Variants in MORN5 observed in about 807,000 individuals in gnomAD.
The protein encoded by MORN5 is MORN repeat containing 5.
Under a neutral mutation model 22.1 loss-of-function variants are expected in MORN5, and 21 were observed. The observed-to-expected ratio is 0.95, with a 90% CI of 0.67 to 1.37. The LOEUF (loss-of-function observed/expected upper bound fraction) is 1.37. Ranked by LOEUF, MORN5 falls within the 40% of genes most tolerant of loss-of-function variation. MORN5 has a pLI of 0.00. For synonymous variants in MORN5, 73 were observed against 74.0 expected (o/e 0.99, Z 0.07); for missense variants, 211 against 215.1 (o/e 0.98, Z 0.12).
intron 4 of MORN5, among the ~76,000 whole-genome samples, chr9:122,194,178 G>A (rs561822684): frequency 6.6e-5 from 10 of 152,272 alleles, no homozygotes; most frequent in East Asian, 5.8e-4. Flanking sequence ...TCCTGGCAGC[G>A]CTCACTGCTG....
At chr9:122,167,674 A>G (rs1829307873) in intron 2 of MORN5, among the ~76,000 whole-genome samples, 1 of 152,130 alleles carries the variant, frequency 6.6e-6, no homozygotes, top group African/African-American at 2.4e-5. Context: ...TTCTTCACCT[A>G]TCAACTCGGG....
intron 1 of MORN5, among the ~76,000 whole-genome samples, chr9:122,160,954 C>T (rs1330934908): frequency 6.6e-6 from 1 of 152,182 alleles, no homozygotes; most frequent in African/African-American, 2.4e-5. Context: ...TCCCTGTCTT[C>T]AGAAAGTTCA....
chr9:122,194,822 C>T (rs1829850335), intron 4 of MORN5, among the ~76,000 whole-genome samples: 1 of 152,074 alleles, frequency 6.6e-6, no homozygotes, highest in Non-Finnish European at 1.5e-5. Flanking sequence ...GAGTTTGAAA[C>T]CAGCCTGGCC....
intron 4 of MORN5, among the ~76,000 whole-genome samples, chr9:122,187,459 G>A (rs939055157): frequency 6.6e-6 from 1 of 152,150 alleles, no homozygotes; most frequent in African/African-American, 2.4e-5. Flanking sequence ...ACAGGCCTTT[G>A]TTGAGTCCCT....
intron 1 of MORN5, among the ~76,000 whole-genome samples, chr9:122,162,152 C>T (rs1019728903): frequency 1.3e-5 from 2 of 152,184 alleles, no homozygotes; most frequent in African/African-American, 4.8e-5. Flanking sequence ...CCATCCATAC[C>T]TCAGTTTCCT....
chr9:122,163,679 A>G (rs1430710004), intron 1 of MORN5, among the ~76,000 whole-genome samples: 1 of 152,152 alleles, frequency 6.6e-6, no homozygotes, highest in African/African-American at 2.4e-5. Flanking sequence ...ATGCAAAGGG[A>G]AGCTGGACAG....
Position 122,197,354 on chromosome 9 carries a change from T to C in MORN5, c.440-2531T>C, listed in dbSNP as rs1332872820. Among the ~76,000 whole-genome samples the C allele has an allele frequency of 6.6e-6, 1 of 152,204 alleles. No homozygotes were observed. Among genetic ancestry groups the C allele is most frequent in the African/African-American group, 2.4e-5 (1 of 41,464 alleles). On this transcript the variant is annotated intron_variant, in intron 4 of 4. Transcript: ENST00000373764. The surrounding 1 kb of genome is among the most constrained non-coding windows in gnomAD (Gnocchi z 5.7). Reference sequence around the variant, plus strand: ...TGAAGATATTCTCAGACAATCATATTAACATATTCCAACAATCGCAATTTG... The same window carrying C: ...TGAAGATATTCTCAGACAATCATATCAACATATTCCAACAATCGCAATTTG...
chr9:122,199,192 G>A (rs1228270448), intron 4 of MORN5, among the ~76,000 whole-genome samples: 1 of 152,220 alleles, frequency 6.6e-6, no homozygotes, highest in Non-Finnish European at 1.5e-5. Flanking sequence ...GACAATCCTA[G>A]GTTCTAGTCT....
At chr9:122,166,037 G>A (rs1300284156) in intron 1 of MORN5, among the ~76,000 whole-genome samples, 1 of 152,136 alleles carries the variant, frequency 6.6e-6, no homozygotes, top group Non-Finnish European at 1.5e-5. Flanking sequence ...GACGCAAAGG[G>A]GGAGCAAGGG....
intron 4 of MORN5, among the ~76,000 whole-genome samples, chr9:122,195,643 C>T (rs1481992202): frequency 2.6e-5 from 4 of 152,158 alleles, no homozygotes; most frequent in Non-Finnish European, 5.9e-5. Context: ...CAGACTGTCA[C>T]CACGACTTAC....
intron 3 of MORN5, among the ~76,000 whole-genome samples, chr9:122,173,560 A>C (rs1372431271): frequency 2.6e-5 from 4 of 152,240 alleles, no homozygotes; most frequent in Non-Finnish European, 4.4e-5. Context: ...GTGGGCATCC[A>C]GCTCTCAGTC....
chr9:122,172,360 A>G (rs768475937), intron 3 of MORN5, among the ~76,000 whole-genome samples: 1 of 150,842 alleles, frequency 6.6e-6, no homozygotes, highest in Non-Finnish European at 1.5e-5. Context: ...TCTCAGAAAC[A>G]GTGACATTCT....
intron 4 of MORN5, among the ~76,000 whole-genome samples, chr9:122,198,133 CT>C (rs1407491991): frequency 1.3e-5 from 2 of 152,176 alleles, no homozygotes; most frequent in East Asian, 3.9e-4. Context: ...TAGGACAAGG[CT>C]CTCCCCTACC....
chr9:122,170,271 G>C (rs971102648), intron 3 of MORN5, among the ~76,000 whole-genome samples: 1 of 150,712 alleles, frequency 6.6e-6, no homozygotes, highest in Non-Finnish European at 1.5e-5. Flanking sequence ...ACTCCAGCCT[G>C]GGCGACAGAG....
chr9:122,169,838 C>G, intron 3 of MORN5, 82 bp downstream of exon 3: 1 of 960,702 alleles, frequency 1.0e-6, no homozygotes, highest in Non-Finnish European at 1.7e-6. Flanking sequence ...CTGTGTCCTA[C>G]TAAAGTAACT....
At position 122,160,002 on chromosome 9, in the gene MORN5, G is replaced by A. The variant is rs776473310; in HGVS notation, c.30G>A (p.Gly10=). 40 of 1,613,870 alleles carry A rather than the reference G, an allele frequency of 2.5e-5. No homozygotes were observed. Among genetic ancestry groups the A allele is most frequent in the Admixed American group, 3.3e-5 (2 of 59,968 alleles). Reference sequence around the variant, plus strand: ...AGTACACAGGGAGCAAATATATCGGGGAATATGTAGATGGGAGGTAAGGGG... The same window carrying A: ...AGTACACAGGGAGCAAATATATCGGAGAATATGTAGATGGGAGGTAAGGGG... The part of the protein sequence containing the change: MEYTGSKYI[G]EYVDGRMEGK... Residue 10 remains glycine (G), a synonymous_variant, in exon 1 of 5, where the codon GGG becomes GGA. Coordinates refer to ENST00000373764, the MANE Select transcript of MORN5 (RefSeq NM_198469.4).
chr9:122,175,791 A>G (rs1431597572), intron 4 of MORN5: 1 of 813,116 alleles, frequency 1.2e-6, no homozygotes, highest in Non-Finnish European at 1.5e-6. Context: ...GTCAGTGATG[A>G]CCAGAAAGGT....
chr9:122,159,937 CCGGATCCTAA>C lies in MORN5; in HGVS notation c.-34_-25del, dbSNP rs772388655. On this transcript the variant is annotated 5_prime_UTR_variant, in exon 1 of 5. The change abolishes the stop of an existing upstream ORF in the 5' untranslated region. Transcript: ENST00000373764. The stretch of plus-strand genomic sequence containing the variant: ...TAGTGATGCCGTATCCACTGAGACT[CCGGATCCTAA>C]CAGCTGGAAGCTAAAAACAGGCGCC... The C allele has an allele frequency of 3.7e-6, 6 of 1,609,286 alleles. No homozygotes were observed. The East Asian group carries it at 1.3e-4, about 36-fold the overall frequency.
Position 122,199,970 on chromosome 9 carries a change from G to A in MORN5, c.*39G>A, listed in dbSNP as rs1170176608. 3.7e-6 allele frequency: 6 copies of A among 1,610,252 alleles called. No homozygotes were observed. The highest frequency in any genetic ancestry group is 5.1e-6 in the Non-Finnish European group (6 of 1,176,618). On this transcript the variant is annotated 3_prime_UTR_variant, in exon 5 of 5. Transcript: ENST00000373764. ...GTCACAGGCCCGAGCCGTGAACTCT[G>A]TGGCTGCCTCCACCAGAGGTTTCCA...
Sources: allele counts gnomAD v4.1 joint callset (sites outside exome capture counted in the v4.1 genomes callset), GRCh38; gene constraint gnomAD v4.1.1; non-coding constraint Gnocchi (gnomAD v3.1); transcripts MANE v1.5; gene names NCBI Gene and HGNC (gene_info 2026-07-23, HGNC 2026-07-21).